MBOAT2: variants seen among roughly 807,000 people sequenced by gnomAD.
The protein encoded by MBOAT2 is membrane bound glycerophospholipid O-acyltransferase 2.
Under a neutral mutation model 63.4 loss-of-function variants are expected in MBOAT2, and 28 were observed. That is an observed-to-expected ratio of 0.44 (90% CI 0.33 to 0.61). The LOEUF is 0.61. MBOAT2 is among the 20% of genes least tolerant of loss of function. The pLI, the probability that MBOAT2 is intolerant of heterozygous loss-of-function variation, is 0.03. For synonymous variants in MBOAT2, 211 were observed against 215.6 expected, an observed-to-expected ratio of 0.98 and a Z score of 0.19; for missense variants, 470 against 605.8, an observed-to-expected ratio of 0.78 and a Z score of 2.35.
At position 8,888,041 on chromosome 2, in the gene MBOAT2, C is replaced by T. The variant is rs887184796; in HGVS notation, c.428G>A (p.Ser143Asn). 3 of 1,613,286 alleles carry T rather than the reference C, an allele frequency of 1.9e-6. No individual in the cohort carries two copies. The highest frequency in any genetic ancestry group is 1.7e-4 in the Middle Eastern group (1 of 6,060). The change falls in exon 5 of 13, where the codon AGT becomes AAT. Residue 143 changes from serine to asparagine, a missense_variant. Ser to Asn is a conservative substitution (Grantham distance 46). This residue lies in a region of MBOAT2 where 376 missense variants were observed against 503.8 expected (regional missense o/e 0.75). Coordinates refer to ENST00000305997, the MANE Select transcript of MBOAT2 (RefSeq NM_138799.4). ...ACCATCATGAATTTCGCAAGCCAAA[C>T]TAGTGATCTTCTGAGTAATGATCAT... is the stretch of plus-strand genomic sequence containing the variant. ...PMMIITQKITSLACEIHDGMF... is the reference protein window; with the variant it reads ...PMMIITQKITNLACEIHDGMF...
chr2:8,884,194 C>A, intron 5 of MBOAT2, among the ~76,000 whole-genome samples: 1 of 79,018 alleles, frequency 1.3e-5, no homozygotes, highest in Non-Finnish European at 2.4e-5. Context: ...CAAGACTCAG[C>A]CAAAAAAAAA....
Position 8,862,742 on chromosome 2 carries a change from T to A in MBOAT2, c.1053-20A>T. On this transcript the variant is annotated intron_variant, in intron 10 of 12. Coordinates refer to ENST00000305997, the MANE Select transcript of MBOAT2 (RefSeq NM_138799.4). This position sits in a 1 kb window ranked among gnomAD's most constrained non-coding sequence, Gnocchi z 4.3. ...CACACCCTAGAAACCATGAAAAACATGGAGAGCCAAGTGGAGTGAGTGACC... is the reference window on the plus strand; with the variant it reads ...CACACCCTAGAAACCATGAAAAACAAGGAGAGCCAAGTGGAGTGAGTGACC... 6.2e-7 allele frequency: 1 copy of A among 1,602,112 alleles called. No homozygotes were observed. Among genetic ancestry groups the A allele is most frequent in the Non-Finnish European group, 8.5e-7 (1 of 1,176,326 alleles).
chr2:8,999,469 A>C (rs546520177), intron 1 of MBOAT2, among the ~76,000 whole-genome samples: 1 of 152,390 alleles, frequency 6.6e-6, no homozygotes, highest in Non-Finnish European at 1.5e-5. Flanking sequence ...GGATATGTTA[A>C]GATTGAAAAA....
At chr2:8,900,575 T>G (rs904025312) in intron 4 of MBOAT2, among the ~76,000 whole-genome samples, 2 of 151,602 alleles carry the variant, frequency 1.3e-5, no homozygotes, top group Admixed American at 6.6e-5. Flanking sequence ...ACCTGGGGGG[T>G]TTTGTGGTAC....
At chr2:8,876,168 T>C (rs1662684176) in intron 7 of MBOAT2, among the ~76,000 whole-genome samples, 1 of 152,228 alleles carries the variant, frequency 6.6e-6, no homozygotes. Flanking sequence ...TCACTGCCTT[T>C]CTTTATGAAG....
chr2:8,974,576 T>C (rs1670686288), intron 1 of MBOAT2: 1 of 352,546 alleles, frequency 2.8e-6, no homozygotes, highest in Admixed American at 3.3e-5. Flanking sequence ...TCCAGCGGAA[T>C]ATCTCTGGAA....
intron 9 of MBOAT2, among the ~76,000 whole-genome samples, chr2:8,867,646 A>G (rs536955429): frequency 6.6e-6 from 1 of 152,178 alleles, no homozygotes; most frequent in East Asian, 1.9e-4. Flanking sequence ...CTGATTCATA[A>G]CTCATTCTCT....
intron 2 of MBOAT2, among the ~76,000 whole-genome samples, chr2:8,956,131 T>C (rs6743317): frequency 0.11 from 16,247 of 152,242 alleles, 1,039 homozygotes; most frequent in African/African-American, 0.18. Context: ...ATCAAATCTG[T>C]AACATCTCTG....
chr2:8,995,820 T>C (rs1424837885), intron 1 of MBOAT2, among the ~76,000 whole-genome samples: 6 of 152,182 alleles, frequency 3.9e-5, no homozygotes, highest in African/African-American at 7.2e-5. Context: ...CTCGATCTCC[T>C]GACCTTGTGA....
intron 1 of MBOAT2, among the ~76,000 whole-genome samples, chr2:8,972,150 G>A (rs1331452208): frequency 6.6e-6 from 1 of 152,170 alleles, no homozygotes; most frequent in East Asian, 1.9e-4. Context: ...AAACAGCATA[G>A]TACTGGTACC....
At chr2:8,965,087 G>A (rs1013290911) in intron 1 of MBOAT2, among the ~76,000 whole-genome samples, 3 of 151,888 alleles carry the variant, frequency 2.0e-5, no homozygotes, top group Non-Finnish European at 2.9e-5. Flanking sequence ...TTTTATTTTT[G>A]CAGTATACAT....
At chr2:8,874,054 G>A (rs1460102645) in intron 7 of MBOAT2, among the ~76,000 whole-genome samples, 1 of 152,196 alleles carries the variant, frequency 6.6e-6, no homozygotes, top group Non-Finnish European at 1.5e-5. Flanking sequence ...GATGAAGTAT[G>A]CAACAAAATA....
intron 1 of MBOAT2, among the ~76,000 whole-genome samples, chr2:8,987,811 A>G (rs1044612518): frequency 6.6e-6 from 1 of 152,196 alleles, no homozygotes; most frequent in Non-Finnish European, 1.5e-5. Context: ...TTGTTTGAAC[A>G]TACACACACA....
rs1251638410 is a variant in MBOAT2, at chr2:8,943,347, A to G, written c.222-83T>C. The G allele has an allele frequency of 3.9e-5, 30 of 767,976 alleles. No homozygotes were observed. The East Asian group carries it at 7.2e-4, about 18-fold the overall frequency. 47.6% of individuals were successfully genotyped at this position (767,976 alleles called of 1,614,324 possible). A position where few individuals can be genotyped will look rare whatever the true frequency, so the allele number is the denominator to read the frequency against. ...AAGTGAATTAAGCTAAAAAATACTTATGCATAACACAGTATTCCCAGAAAA... is the reference window on the plus strand; with the variant it reads ...AAGTGAATTAAGCTAAAAAATACTTGTGCATAACACAGTATTCCCAGAAAA... On this transcript the variant is annotated intron_variant, in intron 2 of 12. Coordinates refer to ENST00000305997, the MANE Select transcript of MBOAT2 (RefSeq NM_138799.4).
intron 5 of MBOAT2, among the ~76,000 whole-genome samples, chr2:8,883,432 G>T (rs1183317964): frequency 6.6e-6 from 1 of 151,910 alleles, no homozygotes; most frequent in Non-Finnish European, 1.5e-5. Context: ...ATTTTAAAGG[G>T]CTCTTACTCA....
chr2:8,899,403 G>A (rs1664740666), intron 4 of MBOAT2, among the ~76,000 whole-genome samples: 2 of 151,688 alleles, frequency 1.3e-5, no homozygotes, highest in African/African-American at 4.9e-5. Context: ...TGGACCTTGA[G>A]GACAGTCATC....
In MBOAT2 at chr2:8,873,190, T is replaced by C; in HGVS notation, c.801A>G (p.Thr267=). 1 of 1,614,202 alleles carries C rather than the reference T, an allele frequency of 6.2e-7. No individual in the cohort carries two copies. The highest frequency in any genetic ancestry group is 8.5e-7 in the Non-Finnish European group (1 of 1,180,030). The part of the protein sequence containing the change: ...EYNIDEHFQA[T]ASWPTKIIYL... ...AGATAATCTTTGTTGGCCACGAAGC[T>C]GTAGCTTGAAAATGCTCATCAATGT... Residue 267 remains threonine, a synonymous_variant, in exon 8 of 13, where the codon ACA becomes ACG. Transcript: ENST00000305997.
chr2:8,910,477 T>A (rs1665637542), intron 3 of MBOAT2, among the ~76,000 whole-genome samples: 1 of 152,216 alleles, frequency 6.6e-6, no homozygotes, highest in Non-Finnish European at 1.5e-5. Flanking sequence ...CAATTTGTTT[T>A]AAGCCACTAT....
At chr2:8,967,708 A>C (rs916597625) in intron 1 of MBOAT2, among the ~76,000 whole-genome samples, 9 of 152,218 alleles carry the variant, frequency 5.9e-5, no homozygotes, top group African/African-American at 2.2e-4. Context: ...GATCAGTGAA[A>C]TATAACTAGA....
Sources: allele counts gnomAD v4.1 joint callset (sites outside exome capture counted in the v4.1 genomes callset), GRCh38; gene constraint gnomAD v4.1.1; regional missense constraint gnomAD v4.1.1; non-coding constraint Gnocchi (gnomAD v3.1); transcripts MANE v1.5; gene names NCBI Gene and HGNC (gene_info 2026-07-23, HGNC 2026-07-21).